Variants in EPB41L4A observed in about 807,000 individuals in gnomAD.
EPB41L4A encodes the protein band 4.1-like protein 4A.
EPB41L4A carries 100 observed loss-of-function variants against 108.6 expected under a neutral mutation model. The ratio of observed to expected loss-of-function variants is 0.92; its 90% CI spans 0.78 to 1.09. The LOEUF (loss-of-function observed/expected upper bound fraction) is 1.09, where lower values mean the gene tolerates loss of function less well. EPB41L4A is among the 50% of genes least tolerant of loss of function. The probability of loss-of-function intolerance (pLI) is 0.00; values close to 1 mark genes in which losing one functional copy is unlikely to be tolerated. For synonymous variants in EPB41L4A, 319 were observed against 289.0 expected, an observed-to-expected ratio of 1.10 and a Z score of -1.05; for missense variants, 1,030 against 842.7, an observed-to-expected ratio of 1.22 and a Z score of -2.75.
intron 1 of EPB41L4A, among the ~76,000 whole-genome samples, chr5:112,409,903 A>T (rs185617787): frequency 1.3e-5 from 2 of 152,176 alleles, no homozygotes; most frequent in Admixed American, 1.3e-4. Context: ...CAGGAGGGAG[A>T]CTCGAAGCCA....
At chr5:112,306,447 G>A (rs1051242920) in intron 2 of EPB41L4A, among the ~76,000 whole-genome samples, 1 of 152,046 alleles carries the variant, frequency 6.6e-6, no homozygotes, top group Non-Finnish European at 1.5e-5. Flanking sequence ...TAAGGAACCA[G>A]CTCAAGAAAA....
At chr5:112,189,952 G>A (rs1396886777) in intron 17 of EPB41L4A, among the ~76,000 whole-genome samples, 1 of 152,088 alleles carries the variant, frequency 6.6e-6, no homozygotes, top group African/African-American at 2.4e-5. Flanking sequence ...AAGTCTACTT[G>A]CGAGGTCCTC....
Position 112,230,082 on chromosome 5 carries a change from A to G in EPB41L4A, c.1087+4552T>C, listed in dbSNP as rs1340624093. ...CCTTTTTATGGCTGAGTAGTATTCT[A>G]TAGTGTACATAGTAATATAAACACC... On this transcript the variant is annotated intron_variant, in intron 12 of 22. Coordinates refer to ENST00000261486, the MANE Select transcript of EPB41L4A (RefSeq NM_022140.5). 2.0e-5 allele frequency among the ~76,000 whole-genome samples: 3 copies of G among 151,806 alleles called. No homozygotes were observed. In the East Asian group the frequency reaches 5.8e-4, roughly 29 times the overall value.
At chr5:112,315,155 T>G (rs1450552462) in intron 1 of EPB41L4A, among the ~76,000 whole-genome samples, 1 of 152,172 alleles carries the variant, frequency 6.6e-6, no homozygotes, top group Admixed American at 6.5e-5. Context: ...CAAGATCCAG[T>G]TAAAATGCCA....
At chr5:112,301,443 GC>G (rs1279724158) in intron 2 of EPB41L4A, among the ~76,000 whole-genome samples, 1 of 152,142 alleles carries the variant, frequency 6.6e-6, no homozygotes, top group Non-Finnish European at 1.5e-5. Context: ...ACCCAGCAGG[GC>G]TACCAGACTC....
chr5:112,152,689 C>A (rs1055687298), intron 12 of EPB41L4A, among the ~76,000 whole-genome samples: 6 of 151,916 alleles, frequency 3.9e-5, no homozygotes, highest in Non-Finnish European at 8.8e-5. Context: ...CAGGAATGGA[C>A]TAAGATGACA....
chr5:112,397,323 C>T lies in EPB41L4A; in HGVS notation c.99+21618G>A, dbSNP rs536947543. Among the ~76,000 whole-genome samples the T allele has an allele frequency of 1.2e-4, 19 of 152,298 alleles. No homozygotes were observed. In the South Asian group the frequency reaches 3.7e-3, roughly 30 times the overall value. On this transcript the variant is annotated intron_variant, in intron 1 of 22. Coordinates refer to ENST00000261486, the MANE Select transcript of EPB41L4A (RefSeq NM_022140.5). Reference sequence around the variant, plus strand: ...ACTAATTTTATAAAGAATTCATAGACTTGATCTAAGAACAGAAACAATGAT... The same window carrying T: ...ACTAATTTTATAAAGAATTCATAGATTTGATCTAAGAACAGAAACAATGAT...
chr5:112,228,257 T>A (rs947753249), intron 12 of EPB41L4A: 2 of 152,228 alleles, frequency 1.3e-5, no homozygotes, highest in Non-Finnish European at 2.9e-5. Context: ...GAAGTTCACA[T>A]GAACATCCAG....
intron 17 of EPB41L4A, among the ~76,000 whole-genome samples, chr5:112,184,674 A>C (rs1222971191): frequency 6.6e-6 from 1 of 152,200 alleles, no homozygotes; most frequent in Non-Finnish European, 1.5e-5. Flanking sequence ...TGAATAAGAC[A>C]CACCATTCCC....
rs1296852532 is a variant in EPB41L4A, at chr5:112,164,349, T to C, written c.*641A>G. The C allele has an allele frequency of 6.6e-6, 1 of 152,254 alleles. No individual in the cohort carries two copies. Among genetic ancestry groups the C allele is most frequent in the Non-Finnish European group, 1.5e-5 (1 of 68,070 alleles). 9.4% of individuals were successfully genotyped at this position (152,254 alleles called of 1,614,324 possible). On this transcript the variant is annotated 3_prime_UTR_variant, in exon 23 of 23. Coordinates refer to ENST00000261486, the MANE Select transcript of EPB41L4A (RefSeq NM_022140.5). ...CAGCCCTGGGAAGACGTCCTCCCAC[T>C]TGTACTATTGCACAGCAGGCTAGCT...
chr5:112,393,012 G>A (rs962499956), intron 1 of EPB41L4A, among the ~76,000 whole-genome samples: 1 of 152,004 alleles, frequency 6.6e-6, no homozygotes, highest in African/African-American at 2.4e-5. Flanking sequence ...ACAAAATGAA[G>A]GCAGAAATAA....
At chr5:112,345,403 CACTT>C (rs1369019646) in intron 1 of EPB41L4A, among the ~76,000 whole-genome samples, 4 of 151,828 alleles carry the variant, frequency 2.6e-5, no homozygotes, top group African/African-American at 9.7e-5. Flanking sequence ...TATTTAATGA[CACTT>C]AGATATGCTG....
At position 112,203,767 on chromosome 5, in the gene EPB41L4A, C is replaced by T. The variant is rs569914561; in HGVS notation, c.1376+608G>A. On this transcript the variant is annotated intron_variant, in intron 15 of 22. Coordinates refer to ENST00000261486, the MANE Select transcript of EPB41L4A (RefSeq NM_022140.5). ...ATTAACATATACTATCTCGTCTGGG[C>T]GCAGTGGCTTACACCTGTAATCCCA... 5.5e-4 allele frequency among the ~76,000 whole-genome samples: 83 copies of T among 152,042 alleles called. 2 individuals are homozygous for T. The South Asian group carries it at 0.01, about 19-fold the overall frequency.
intron 4 of EPB41L4A, among the ~76,000 whole-genome samples, chr5:112,274,464 C>G (rs1176615556): frequency 2.0e-5 from 3 of 152,124 alleles, no homozygotes; most frequent in Non-Finnish European, 2.9e-5. Context: ...TCTTATTCTT[C>G]TGTGTGCAGT....
intron 13 of EPB41L4A, chr5:112,207,066 G>C (rs535790707): frequency 6.6e-6 from 1 of 152,190 alleles, no homozygotes; most frequent in African/African-American, 2.4e-5. Flanking sequence ...AACAAAAACA[G>C]CATGGTATGG....
chr5:112,244,018 T>C (rs1561505515), intron 9 of EPB41L4A, among the ~76,000 whole-genome samples: 1 of 152,242 alleles, frequency 6.6e-6, no homozygotes, highest in Non-Finnish European at 1.5e-5. Context: ...ACAAGAGGCC[T>C]AGCTTTCAGC....
intron 1 of EPB41L4A, among the ~76,000 whole-genome samples, chr5:112,337,254 A>T (rs997665065): frequency 1.3e-5 from 2 of 152,180 alleles, no homozygotes; most frequent in Non-Finnish European, 2.9e-5. Flanking sequence ...TAATTTGATC[A>T]TTACAAAGCC....
At chr5:112,272,295 C>T (rs1045835334) in intron 4 of EPB41L4A, among the ~76,000 whole-genome samples, 6 of 151,670 alleles carry the variant, frequency 4.0e-5, no homozygotes, top group African/African-American at 1.5e-4. Flanking sequence ...TGCCCGCCGC[C>T]ACGCGCAGCT....
At chr5:112,286,119 A>G (rs996306129) in intron 2 of EPB41L4A, among the ~76,000 whole-genome samples, 1 of 152,028 alleles carries the variant, frequency 6.6e-6, no homozygotes, top group African/African-American at 2.4e-5. Flanking sequence ...AAGACACCCA[A>G]TTCATTGACC....
Sources: gnomAD v4.1 joint callset for allele counts (sites outside exome capture counted in the v4.1 genomes callset) on GRCh38, gnomAD v4.1.1 for gene constraint, MANE v1.5 for transcripts, NCBI Gene and HGNC (gene_info 2026-07-23, HGNC 2026-07-21) for gene names.